The following HS6ST3 variants were observed in gnomAD, a reference collection of about 807,000 sequenced individuals.
HS6ST3 encodes heparan sulfate 6-O-sulfotransferase 3, also known as heparan-sulfate 6-O-sulfotransferase 3.
HS6ST3 carries 12 observed loss-of-function variants against 36.7 expected under a neutral mutation model. The ratio of observed to expected loss-of-function variants is 0.33; its 90% CI spans 0.21 to 0.53. The LOEUF is 0.53. HS6ST3 is among the 20% of genes least tolerant of loss of function. HS6ST3 has a pLI of 0.95. For missense variants in HS6ST3, 584 were observed against 640.9 expected (o/e 0.91, Z 0.96); for synonymous variants, 240 against 257.5 (o/e 0.93, Z 0.65).
intron 1 of HS6ST3, among the ~76,000 whole-genome samples, chr13:96,792,828 C>CT (rs1877822723): frequency 6.6e-6 from 1 of 151,974 alleles, no homozygotes. Flanking sequence ...TATCATGCCT[C>CT]TTGTAATGAG....
At chr13:96,338,764 GCTT>G (rs2139424891) in intron 1 of HS6ST3, among the ~76,000 whole-genome samples, 1 of 152,156 alleles carries the variant, frequency 6.6e-6, no homozygotes, top group South Asian at 2.1e-4. Context: ...TAGTTGTAGG[GCTT>G]CACCTTTGGT....
intron 1 of HS6ST3, among the ~76,000 whole-genome samples, chr13:96,277,605 C>A (rs1289469636): frequency 6.6e-6 from 1 of 152,082 alleles, no homozygotes; most frequent in African/African-American, 2.4e-5. Context: ...GGAATATATG[C>A]ATTCATTAAA....
chr13:96,532,740 AG>A (rs957865901), intron 1 of HS6ST3, among the ~76,000 whole-genome samples: 12 of 152,190 alleles, frequency 7.9e-5, no homozygotes, highest in African/African-American at 2.7e-4. Context: ...CCCGAACTTC[AG>A]GAAGTCAAAA....
At chr13:96,193,889 C>G (rs2054300206) in intron 1 of HS6ST3, among the ~76,000 whole-genome samples, 1 of 152,126 alleles carries the variant, frequency 6.6e-6, no homozygotes, top group Non-Finnish European at 1.5e-5. Flanking sequence ...CTAATTAATA[C>G]TTTGGGTAAT....
chr13:96,302,059 A>G (rs989693775), intron 1 of HS6ST3, among the ~76,000 whole-genome samples: 15 of 151,862 alleles, frequency 9.9e-5, no homozygotes, highest in African/African-American at 3.6e-4. Context: ...AAAGAACATC[A>G]CAAGATTGGG....
chr13:96,152,316 C>CTTTTTTTTTTTTTTTTTT (rs766489670), intron 1 of HS6ST3, among the ~76,000 whole-genome samples: 14 of 97,050 alleles, frequency 1.4e-4, no homozygotes, highest in East Asian at 5.9e-4. Context: ...GGCCCCTTTC[C>CTTTTTTTTTTTTTTTTTT]TTTTTTTTTT....
intron 1 of HS6ST3, among the ~76,000 whole-genome samples, chr13:96,819,352 T>A (rs2138540855): frequency 6.6e-6 from 1 of 152,326 alleles, no homozygotes; most frequent in South Asian, 2.1e-4. Context: ...GTGTATTATT[T>A]AAGAATGATT....
At chr13:96,516,097 T>C (rs2056071539) in intron 1 of HS6ST3, among the ~76,000 whole-genome samples, 1 of 151,982 alleles carries the variant, frequency 6.6e-6, no homozygotes, top group South Asian at 2.1e-4. Context: ...AGTCTTGGTT[T>C]GTCAGCCAGG....
In HS6ST3 at chr13:96,171,486, G is replaced by A. The variant is rs563866318; in HGVS notation, c.707+79917G>A. Among the ~76,000 whole-genome samples, 4 of 152,142 alleles carry A rather than the reference G, an allele frequency of 2.6e-5. No homozygotes were observed. The East Asian group carries it at 7.7e-4, about 29-fold the overall frequency. ...CTTGCTCAGGCCTCTCGGGTTATCG[G>A]GATATATTTTCTTTGACAATATTCT... On this transcript the variant is annotated intron_variant, in intron 1 of 1. Coordinates refer to ENST00000376705, the MANE Select transcript of HS6ST3 (RefSeq NM_153456.4).
At chr13:96,326,334 C>A (rs1349783931) in intron 1 of HS6ST3, among the ~76,000 whole-genome samples, 4 of 122,042 alleles carry the variant, frequency 3.3e-5, no homozygotes, top group African/African-American at 9.3e-5. Flanking sequence ...CCCCTCCCCC[C>A]ACCCCACAAC....
At chr13:96,624,423 G>A (rs2056505362) in intron 1 of HS6ST3, among the ~76,000 whole-genome samples, 1 of 152,070 alleles carries the variant, frequency 6.6e-6, no homozygotes, top group Non-Finnish European at 1.5e-5. Flanking sequence ...GAAGAATAGA[G>A]TTTATTTTTC....
intron 1 of HS6ST3, among the ~76,000 whole-genome samples, chr13:96,698,893 G>A (rs146645043): frequency 0.015 from 2,306 of 152,110 alleles, 55 homozygotes; most frequent in African/African-American, 0.051. Flanking sequence ...TACTGGTGCC[G>A]AAACAGAGAT....
chr13:96,110,794 T>A (rs2053864890), intron 1 of HS6ST3, among the ~76,000 whole-genome samples: 1 of 152,056 alleles, frequency 6.6e-6, no homozygotes, highest in African/African-American at 2.4e-5. Context: ...TTGGAGGAAA[T>A]GGTTGAATTA....
At chr13:96,149,114 C>T (rs970614382) in intron 1 of HS6ST3, among the ~76,000 whole-genome samples, 1 of 152,148 alleles carries the variant, frequency 6.6e-6, no homozygotes, top group Admixed American at 6.5e-5. Context: ...ACAAACTAGA[C>T]TTGGCAGGGA....
intron 1 of HS6ST3, among the ~76,000 whole-genome samples, chr13:96,633,095 A>G (rs540275923): frequency 1.3e-5 from 2 of 152,138 alleles, no homozygotes; most frequent in Admixed American, 1.3e-4. Context: ...AGTGTGCCTC[A>G]CCCCTGCAGT....
intron 1 of HS6ST3, among the ~76,000 whole-genome samples, chr13:96,823,979 C>T (rs777478934): frequency 3.3e-5 from 5 of 152,092 alleles, no homozygotes; most frequent in Non-Finnish European, 5.9e-5. Flanking sequence ...TACATTATTG[C>T]GTATCCAAGT....
intron 1 of HS6ST3, among the ~76,000 whole-genome samples, chr13:96,721,372 T>C (rs992742854): frequency 1.4e-4 from 22 of 152,206 alleles, no homozygotes; most frequent in African/African-American, 5.3e-4. Context: ...GATTTTTCTA[T>C]GACCAAATTG....
Position 96,836,202 on chromosome 13 carries a change from A to G in HS6ST3, c.*3004A>G, listed in dbSNP as rs1878923166. 6.6e-6 allele frequency: 1 copy of G among 152,240 alleles called. No homozygotes were observed. The highest frequency in any genetic ancestry group is 2.1e-4 in the South Asian group (1 of 4,824). The allele number at this position is 152,240 out of a possible 1,614,324, so 9.4% of individuals were successfully genotyped here. A position where few individuals can be genotyped will look rare whatever the true frequency, so the allele number is the denominator to read the frequency against. ...TCAAAAGCCCAAGAAAAGACAAAAA[A>G]GAAAAAAACAATCCCCAGGGGTTCT... On this transcript the variant is annotated 3_prime_UTR_variant, in exon 2 of 2. Transcript: ENST00000376705.
chr13:96,805,142 G>A lies in HS6ST3; in HGVS notation c.708-27348G>A, dbSNP rs141937313. ...CTTTCCACTGATAGCTGCCAAGAGG[G>A]TAATATGGTTTGGCTCTATGTCCCC... On this transcript the variant is annotated intron_variant, in intron 1 of 1. Coordinates refer to ENST00000376705, the MANE Select transcript of HS6ST3 (RefSeq NM_153456.4). Among the ~76,000 whole-genome samples the A allele has an allele frequency of 5.3e-3, 808 of 152,282 alleles. 5 individuals are homozygous for A. The highest frequency in any genetic ancestry group is 0.013 in the Admixed American group (197 of 15,292).
Sources: gnomAD v4.1 joint callset for allele counts (sites outside exome capture counted in the v4.1 genomes callset) on GRCh38, gnomAD v4.1.1 for gene constraint, MANE v1.5 for transcripts, NCBI Gene and HGNC (gene_info 2026-07-23, HGNC 2026-07-21) for gene names.